Variants in SDK1 observed in about 807,000 individuals in gnomAD.
The protein encoded by SDK1 is protein sidekick-1.
In SDK1, 157 loss-of-function variants were observed where a neutral mutation model predicts 245.5. The ratio of observed to expected loss-of-function variants is 0.64; its 90% CI spans 0.56 to 0.73. SDK1 has a LOEUF of 0.73. Among genes scored for constraint, SDK1 ranks in the 30% least tolerant of loss-of-function variants. The pLI, the probability that SDK1 is intolerant of heterozygous loss-of-function variation, is 0.00. For missense variants in SDK1, 3,583 were observed against 3,002.3 expected (o/e 1.19, Z -4.52); for synonymous variants, 1,647 against 1,278.5 (o/e 1.29, Z -6.15).
chr7:3,640,016 T>A (rs961851900), intron 3 of SDK1, among the ~76,000 whole-genome samples: 3 of 152,064 alleles, frequency 2.0e-5, no homozygotes. Flanking sequence ...CTGGCTAATC[T>A]GGCTAATTTC....
At chr7:3,516,890 C>T (rs1022902988) in intron 1 of SDK1, among the ~76,000 whole-genome samples, 5 of 152,080 alleles carry the variant, frequency 3.3e-5, no homozygotes, top group African/African-American at 1.2e-4. Flanking sequence ...TGAAAAAGTG[C>T]TCATTTCAAG....
At chr7:3,932,281 T>C (rs751885857) in intron 5 of SDK1, among the ~76,000 whole-genome samples, 3 of 152,190 alleles carry the variant, frequency 2.0e-5, no homozygotes, top group Non-Finnish European at 4.4e-5. Flanking sequence ...TTTTGTGCAC[T>C]TCACTCCACA....
At chr7:4,022,617 G>A (rs1167018701) in intron 17 of SDK1, among the ~76,000 whole-genome samples, 2 of 152,194 alleles carry the variant, frequency 1.3e-5, no homozygotes, top group East Asian at 3.9e-4. Flanking sequence ...GCAGGGGGAG[G>A]TAGCAGCTCA....
intron 4 of SDK1, among the ~76,000 whole-genome samples, chr7:3,672,772 T>TAC: frequency 1.1e-5 from 1 of 91,834 alleles, no homozygotes; most frequent in Non-Finnish European, 2.2e-5. Context: ...TATATATATA[T>TAC]ATATATATAT....
intron 1 of SDK1, among the ~76,000 whole-genome samples, chr7:3,481,943 G>A (rs1228380452): frequency 1.3e-5 from 2 of 151,900 alleles, no homozygotes; most frequent in Non-Finnish European, 2.9e-5. Context: ...CGTCCTTTAT[G>A]GAAATAAATT....
At chr7:4,138,806 A>G (rs1254031070) in intron 28 of SDK1, among the ~76,000 whole-genome samples, 2 of 152,018 alleles carry the variant, frequency 1.3e-5, no homozygotes, top group African/African-American at 2.4e-5. Flanking sequence ...AAAGAAAAGA[A>G]AAGAAAATTG....
At chr7:3,613,167 A>G (rs1024414930) in intron 1 of SDK1, among the ~76,000 whole-genome samples, 1 of 152,128 alleles carries the variant, frequency 6.6e-6, no homozygotes, top group Non-Finnish European at 1.5e-5. Context: ...CTGTTGTGGA[A>G]CAGCAATGAA....
chr7:3,538,774 C>T (rs1230039906), intron 1 of SDK1, among the ~76,000 whole-genome samples: 1 of 152,196 alleles, frequency 6.6e-6, no homozygotes, highest in Admixed American at 6.5e-5. Context: ...GGCAGAAAGG[C>T]CCATTCAGGC....
chr7:3,784,673 C>T (rs1261347250), intron 4 of SDK1, among the ~76,000 whole-genome samples: 4 of 152,186 alleles, frequency 2.6e-5, no homozygotes, highest in Non-Finnish European at 5.9e-5. Context: ...CTACATCTCA[C>T]ACCTGTCAGA....
At chr7:3,525,556 G>A (rs1252547512) in intron 1 of SDK1, among the ~76,000 whole-genome samples, 2 of 152,236 alleles carry the variant, frequency 1.3e-5, no homozygotes, top group East Asian at 3.9e-4. Context: ...TAGGTGCTGT[G>A]TGTACAACAT....
intron 35 of SDK1, among the ~76,000 whole-genome samples, chr7:4,183,067 T>C (rs2128220516): frequency 6.6e-6 from 1 of 152,268 alleles, no homozygotes; most frequent in South Asian, 2.1e-4. Context: ...GAGTGGGTGC[T>C]GCTGATTGGC....
chr7:3,605,567 A>T (rs958506790), intron 1 of SDK1, among the ~76,000 whole-genome samples: 2 of 152,184 alleles, frequency 1.3e-5, no homozygotes, highest in Admixed American at 1.3e-4. Flanking sequence ...TCCATTATAT[A>T]TTTAGGCAGT....
At chr7:3,650,156 C>A (rs553948980) in intron 4 of SDK1, among the ~76,000 whole-genome samples, 1 of 152,320 alleles carries the variant, frequency 6.6e-6, no homozygotes, top group African/African-American at 2.4e-5. Context: ...CTCAAGCCGT[C>A]CTCCTGCTTT....
At position 3,848,561 on chromosome 7, in the gene SDK1, A is replaced by T. The variant is rs1411111262; in HGVS notation, c.847+26978A>T. 3.9e-5 allele frequency among the ~76,000 whole-genome samples: 6 copies of T among 152,298 alleles called. No homozygotes were observed. The East Asian group carries it at 1.2e-3, about 29-fold the overall frequency. ...CTACTAATAGAAGTTGATTCCCTTA[A>T]AACTGCCTGTGTTTGAAAAGTTCAT... is the stretch of plus-strand genomic sequence containing the variant. On this transcript the variant is annotated intron_variant, in intron 5 of 44. Transcript: ENST00000404826.
chr7:3,878,249 G>A (rs1333017941), intron 5 of SDK1, among the ~76,000 whole-genome samples: 7 of 152,144 alleles, frequency 4.6e-5, no homozygotes, highest in Admixed American at 3.9e-4. Context: ...GGCCGGGTGC[G>A]GTGGCTCACG....
chr7:4,071,491 G>C (rs188716700), intron 20 of SDK1, among the ~76,000 whole-genome samples: 5 of 152,182 alleles, frequency 3.3e-5, no homozygotes, highest in Non-Finnish European at 7.3e-5. Context: ...TCTGAGAATC[G>C]CAAGTGCTGA....
chr7:3,766,058 A>T (rs1190868262), intron 4 of SDK1, among the ~76,000 whole-genome samples: 1 of 152,188 alleles, frequency 6.6e-6, no homozygotes, highest in Non-Finnish European at 1.5e-5. Flanking sequence ...TATTTTACAA[A>T]TGGCGTTTTC....
intron 4 of SDK1, among the ~76,000 whole-genome samples, chr7:3,673,665 T>C (rs1783792178): frequency 6.6e-6 from 1 of 152,210 alleles, no homozygotes; most frequent in African/African-American, 2.4e-5. Context: ...TAGTTTCGTC[T>C]TGCTCTGCAA....
At chr7:3,597,741 C>T (rs940936400) in intron 1 of SDK1, among the ~76,000 whole-genome samples, 1 of 152,158 alleles carries the variant, frequency 6.6e-6, no homozygotes, top group African/African-American at 2.4e-5. Flanking sequence ...TTTTGTTGGA[C>T]AATACAGTAC....
Sources: gnomAD v4.1 joint callset for allele counts (sites outside exome capture counted in the v4.1 genomes callset) on GRCh38, gnomAD v4.1.1 for gene constraint, MANE v1.5 for transcripts, NCBI Gene and HGNC (gene_info 2026-07-23, HGNC 2026-07-21) for gene names.